Variants in RYR2 observed in about 807,000 individuals in gnomAD.
The protein encoded by RYR2 is ryanodine receptor 2.
Under a neutral mutation model 601.1 loss-of-function variants are expected in RYR2, and 227 were observed. The observed-to-expected ratio is 0.38, with a 90% CI of 0.34 to 0.42. The LOEUF is 0.42. Ranked by LOEUF, RYR2 falls within the 10% of genes least tolerant of loss-of-function variation. RYR2 has a pLI of 1.00. For missense variants in RYR2, 4,646 were observed against 6,156.5 expected, an observed-to-expected ratio of 0.75 and a Z score of 8.21; for synonymous variants, 2,223 against 2,175.1, an observed-to-expected ratio of 1.02 and a Z score of -0.61.
intron 1 of RYR2, among the ~76,000 whole-genome samples, chr1:237,267,050 A>C (rs1338035136): frequency 6.6e-6 from 1 of 152,214 alleles, no homozygotes; most frequent in African/African-American, 2.4e-5. Context: ...AGCTTAATAT[A>C]GTATTTAAAT....
chr1:237,737,947 T>C (rs1691290170), intron 79 of RYR2, among the ~76,000 whole-genome samples: 1 of 152,228 alleles, frequency 6.6e-6, no homozygotes, highest in Non-Finnish European at 1.5e-5. Flanking sequence ...ATAACCCATT[T>C]TAGACTATTG....
At chr1:237,534,473 T>C (rs552481462) in intron 25 of RYR2, among the ~76,000 whole-genome samples, 2 of 152,194 alleles carry the variant, frequency 1.3e-5, no homozygotes, top group African/African-American at 4.8e-5. Context: ...AAGCTTGACA[T>C]ATATAGAGTG....
chr1:237,301,770 A>C lies in RYR2; in HGVS notation c.169-29108A>C, dbSNP rs145531719. On this transcript the variant is annotated intron_variant, in intron 2 of 104. Transcript: ENST00000366574. ...TTTCTTTTCCCTCCTCTTTATTCGC[A>C]TGGTAGAATTAAGAGTTATCATTGA... Among the ~76,000 whole-genome samples, 7 of 152,264 alleles carry C rather than the reference A, an allele frequency of 4.6e-5. No individual in the cohort carries two copies. The East Asian group carries it at 1.4e-3, about 29-fold the overall frequency.
intron 1 of RYR2, among the ~76,000 whole-genome samples, chr1:237,083,968 G>T (rs980068955): frequency 5.3e-5 from 8 of 152,182 alleles, no homozygotes; most frequent in African/African-American, 1.7e-4. Context: ...CGTGGCATAT[G>T]GCTACCATAT....
At chr1:237,556,936 A>C in intron 27 of RYR2, among the ~76,000 whole-genome samples, 1 of 55,930 alleles carries the variant, frequency 1.8e-5, no homozygotes, top group South Asian at 4.2e-4. Flanking sequence ...AAATAACAAA[A>C]TTTGTTATCT....
At chr1:237,696,880 C>T (rs577217001) in intron 63 of RYR2, among the ~76,000 whole-genome samples, 119 of 152,242 alleles carry the variant, frequency 7.8e-4, no homozygotes, top group African/African-American at 2.8e-3. Context: ...GAACTGATTC[C>T]GTTCCTGCAG....
At chr1:237,109,250 G>A (rs1485158277) in intron 1 of RYR2, among the ~76,000 whole-genome samples, 1 of 151,524 alleles carries the variant, frequency 6.6e-6, no homozygotes, top group Non-Finnish European at 1.5e-5. Context: ...TACAGTCATA[G>A]GTTGCAAAGA....
intron 1 of RYR2, among the ~76,000 whole-genome samples, chr1:237,150,814 C>T (rs1674624862): frequency 6.6e-6 from 1 of 152,064 alleles, no homozygotes; most frequent in Non-Finnish European, 1.5e-5. Flanking sequence ...AGAATTCCTC[C>T]AGATTTTGGT....
At chr1:237,325,520 C>G (rs546750244) in intron 2 of RYR2, among the ~76,000 whole-genome samples, 2 of 151,894 alleles carry the variant, frequency 1.3e-5, no homozygotes, top group East Asian at 3.9e-4. Context: ...AACCCCATCT[C>G]TACTAAAAAT....
chr1:237,392,953 A>G (rs866625965), intron 10 of RYR2, among the ~76,000 whole-genome samples: 16 of 152,348 alleles, frequency 1.1e-4, no homozygotes, highest in Middle Eastern at 3.4e-3. Flanking sequence ...CAAGAAGTTT[A>G]CATTCTAGTG....
At chr1:237,240,347 C>T (rs117069362) in intron 1 of RYR2, among the ~76,000 whole-genome samples, 2 of 152,046 alleles carry the variant, frequency 1.3e-5, no homozygotes, top group Non-Finnish European at 2.9e-5. Flanking sequence ...AAATATAATT[C>T]TCATTGTGAC....
intron 87 of RYR2, among the ~76,000 whole-genome samples, chr1:237,774,632 CAAAT>C (rs2149322103): frequency 6.6e-6 from 1 of 152,186 alleles, no homozygotes; most frequent in South Asian, 2.1e-4. Flanking sequence ...CCTTTAAAAT[CAAAT>C]AAAAGTGAAA....
At chr1:237,136,134 T>A (rs1672750882) in intron 1 of RYR2, among the ~76,000 whole-genome samples, 1 of 152,252 alleles carries the variant, frequency 6.6e-6, no homozygotes, top group African/African-American at 2.4e-5. Context: ...AGCACTCTCC[T>A]AAACCACCAG....
chr1:237,643,536 C>T (rs1681796001), intron 48 of RYR2, 89 bp downstream of exon 48: 2 of 1,442,882 alleles, frequency 1.4e-6, no homozygotes, highest in Admixed American at 3.5e-5. Context: ...ACATCCCAAC[C>T]TCTCCACTTC....
chr1:237,787,599 A>C (rs1344939518), intron 91 of RYR2, among the ~76,000 whole-genome samples: 22 of 108,734 alleles, frequency 2.0e-4, no homozygotes, highest in African/African-American at 1.0e-3. Context: ...CTCAAAAACA[A>C]AAAAAAAAAA....
chr1:237,212,719 A>T (rs1682723131), intron 1 of RYR2, among the ~76,000 whole-genome samples: 1 of 152,228 alleles, frequency 6.6e-6, no homozygotes, highest in African/African-American at 2.4e-5. Context: ...ACTAATATGC[A>T]TTCCAACACA....
intron 1 of RYR2, among the ~76,000 whole-genome samples, chr1:237,141,693 G>A (rs1262451920): frequency 6.6e-6 from 1 of 152,148 alleles, no homozygotes; most frequent in Non-Finnish European, 1.5e-5. Flanking sequence ...TTTAGAGATC[G>A]GCCCTGCCTG....
At chr1:237,204,230 A>G (rs1681526312) in intron 1 of RYR2, among the ~76,000 whole-genome samples, 2 of 151,886 alleles carry the variant, frequency 1.3e-5, no homozygotes, top group African/African-American at 4.8e-5. Context: ...GCTGATCTCG[A>G]ACACCTAACC....
At chr1:237,314,569 T>C (rs1005254331) in intron 2 of RYR2, among the ~76,000 whole-genome samples, 8 of 152,204 alleles carry the variant, frequency 5.3e-5, no homozygotes, top group African/African-American at 1.7e-4. Context: ...GTTCATTTTA[T>C]TGAGCACATA....
Sources: gnomAD v4.1 joint callset for allele counts (sites outside exome capture counted in the v4.1 genomes callset) on GRCh38, gnomAD v4.1.1 for gene constraint, MANE v1.5 for transcripts, NCBI Gene and HGNC (gene_info 2026-07-23, HGNC 2026-07-21) for gene names.